The following SPAG16 variants were observed in gnomAD, a reference collection of about 807,000 sequenced individuals.
SPAG16 encodes the protein sperm-associated antigen 16 protein.
SPAG16 carries 86 observed loss-of-function variants against 80.4 expected under a neutral mutation model. The observed-to-expected ratio is 1.07, with a 90% CI of 0.90 to 1.28. SPAG16 has a LOEUF of 1.28. Ranked by LOEUF, SPAG16 falls within the 50% of genes most tolerant of loss-of-function variation. SPAG16 has a pLI of 0.00. For missense variants in SPAG16, 870 were observed against 765.3 expected, an observed-to-expected ratio of 1.14 and a Z score of -1.61; for synonymous variants, 294 against 265.9, an observed-to-expected ratio of 1.11 and a Z score of -1.03.
intron 10 of SPAG16, among the ~76,000 whole-genome samples, chr2:213,500,845 C>T (rs1259738355): frequency 6.6e-6 from 1 of 152,208 alleles, no homozygotes; most frequent in Non-Finnish European, 1.5e-5. Flanking sequence ...GGACTTGGGC[C>T]TCCTAGTGTC....
chr2:214,351,409 A>G (rs183135657), intron 15 of SPAG16, among the ~76,000 whole-genome samples: 4 of 152,118 alleles, frequency 2.6e-5, no homozygotes, highest in East Asian at 1.9e-4. Context: ...TGTGTAAAAT[A>G]CTTAAACATT....
chr2:214,138,844 C>T (rs1032518285), intron 14 of SPAG16, among the ~76,000 whole-genome samples: 1 of 152,058 alleles, frequency 6.6e-6, no homozygotes, highest in African/African-American at 2.4e-5. Flanking sequence ...GATTCCTACC[C>T]CTTAAATAAT....
intron 15 of SPAG16, among the ~76,000 whole-genome samples, chr2:214,390,448 G>A (rs1209955373): frequency 6.6e-6 from 1 of 151,572 alleles, no homozygotes; most frequent in Non-Finnish European, 1.5e-5. Context: ...CTTCCTGGAT[G>A]GCCAAACAAT....
chr2:213,874,932 G>A (rs570501720), intron 11 of SPAG16, among the ~76,000 whole-genome samples: 17 of 152,160 alleles, frequency 1.1e-4, no homozygotes, highest in African/African-American at 3.6e-4. Flanking sequence ...GTTTATTCCT[G>A]TCATCCTTAT....
rs34005287 is a variant in SPAG16 at position 213,469,570 on chromosome 2, GT to G, written c.943-20367del. Among the ~76,000 whole-genome samples the G allele has an allele frequency of 4.5e-3, 359 of 79,280 alleles. 1 individual carries two copies. Among genetic ancestry groups the G allele is most frequent in the Middle Eastern group, 0.011 (1 of 92 alleles). 52.0% of individuals were successfully genotyped at this position (79,280 alleles called of 152,430 possible). A position where few individuals can be genotyped will look rare whatever the true frequency, so the allele number is the denominator to read the frequency against. On this transcript the variant is annotated intron_variant, in intron 9 of 15. Coordinates refer to ENST00000331683, the MANE Select transcript of SPAG16 (RefSeq NM_024532.5). Reference sequence around the variant, plus strand: ...TTGCCTTCAGCAAGCACCTCAGCAGGTTTTTTTTTTTTTTTTTTTTTTTTTT... The same window carrying G: ...TTGCCTTCAGCAAGCACCTCAGCAGGTTTTTTTTTTTTTTTTTTTTTTTTT...
chr2:213,965,656 T>G (rs2106364324), intron 12 of SPAG16, among the ~76,000 whole-genome samples: 1 of 152,342 alleles, frequency 6.6e-6, no homozygotes, highest in East Asian at 1.9e-4. Context: ...TCCACTTAAT[T>G]GCTTACGACC....
chr2:213,778,490 A>AT (rs1472879743), intron 10 of SPAG16, among the ~76,000 whole-genome samples: 2 of 152,146 alleles, frequency 1.3e-5, no homozygotes, highest in Non-Finnish European at 2.9e-5. Context: ...ATTACGGACC[A>AT]TATCAACCCT....
chr2:214,062,467 C>T (rs1284996831), intron 13 of SPAG16, among the ~76,000 whole-genome samples: 1 of 149,670 alleles, frequency 6.7e-6, no homozygotes, highest in Non-Finnish European at 1.5e-5. Context: ...AACCGCCTGA[C>T]CTCACTACAA....
In SPAG16 at chr2:214,149,152, G is replaced by T. The variant is rs776468203; in HGVS notation, c.1606G>T (p.Ala536Ser). The T allele has an allele frequency of 6.4e-7, 1 of 1,561,314 alleles. No homozygotes were observed. The highest frequency in any genetic ancestry group is 1.1e-5 in the South Asian group (1 of 86,992). The change falls in exon 15 of 16, where the codon GCA becomes TCA. Residue 536 changes from alanine to serine, a missense_variant. Transcript: ENST00000331683. ...AIFDPRGHMIASCDACGVTKL... is the reference protein window; with the variant it reads ...AIFDPRGHMISSCDACGVTKL... Reference sequence around the variant, plus strand: ...TTATATTTTGAAGGGTCACATGATAGCATCCTGTGATGCCTGTGGGGTTAC... The same window carrying T: ...TTATATTTTGAAGGGTCACATGATATCATCCTGTGATGCCTGTGGGGTTAC...
chr2:213,548,359 C>T (rs568192040), intron 10 of SPAG16, among the ~76,000 whole-genome samples: 4 of 152,000 alleles, frequency 2.6e-5, no homozygotes, highest in African/African-American at 9.7e-5. Context: ...ACTACAGGCG[C>T]CCACCACCAT....
In SPAG16 at chr2:214,222,219, C is replaced by T. The variant is rs377539230; in HGVS notation, c.1720+72953C>T. 1.3e-3 allele frequency among the ~76,000 whole-genome samples: 187 copies of T among 144,906 alleles called. 2 individuals are homozygous for T. Among genetic ancestry groups the T allele is most frequent in the African/African-American group, 4.0e-3 (161 of 40,412 alleles). ...GCAACCCCCGCCTCCTGGGTTCAAG[C>T]GAGTCTCCTGACTCAGCCTCCTGAG... On this transcript the variant is annotated intron_variant, in intron 15 of 15. Coordinates refer to ENST00000331683, the MANE Select transcript of SPAG16 (RefSeq NM_024532.5).
chr2:213,756,034 T>A (rs751521235), intron 10 of SPAG16, among the ~76,000 whole-genome samples: 3 of 152,202 alleles, frequency 2.0e-5, no homozygotes, highest in Non-Finnish European at 4.4e-5. Flanking sequence ...GCTACTTAAA[T>A]GGCTGAGTAG....
intron 15 of SPAG16, among the ~76,000 whole-genome samples, chr2:214,346,604 A>G (rs1698069636): frequency 1.3e-5 from 2 of 152,158 alleles, no homozygotes; most frequent in South Asian, 2.1e-4. Flanking sequence ...AAATAACGCT[A>G]TGTGACCTGG....
intron 5 of SPAG16, among the ~76,000 whole-genome samples, chr2:213,337,027 C>T (rs1264411943): frequency 1.3e-5 from 2 of 152,152 alleles, no homozygotes; most frequent in Non-Finnish European, 1.5e-5. Flanking sequence ...GAGCTGGCTT[C>T]CATCTGTGCT....
intron 15 of SPAG16, among the ~76,000 whole-genome samples, chr2:214,311,235 A>G (rs921106578): frequency 4.6e-5 from 7 of 152,064 alleles, no homozygotes; most frequent in Admixed American, 3.9e-4. Context: ...TCGAAGGACT[A>G]TACCTCTAGG....
At position 213,774,348 on chromosome 2, in the gene SPAG16, G is replaced by C. The variant is rs192622238; in HGVS notation, c.1071-88137G>C. Among the ~76,000 whole-genome samples, 230 of 152,184 alleles carry C rather than the reference G, an allele frequency of 1.5e-3. 3 individuals are homozygous for C. The highest frequency in any genetic ancestry group is 5.4e-3 in the African/African-American group (224 of 41,526). ...TGAGAGTTCTTTCTTGTCTTTTCTA[G>C]CTTCTTCCAGTTTGCTTATAATCTT... On this transcript the variant is annotated intron_variant, in intron 10 of 15. Coordinates refer to ENST00000331683, the MANE Select transcript of SPAG16 (RefSeq NM_024532.5).
At chr2:214,199,897 A>G (rs1412593008) in intron 15 of SPAG16, among the ~76,000 whole-genome samples, 5 of 152,100 alleles carry the variant, frequency 3.3e-5, no homozygotes, top group African/African-American at 1.2e-4. Flanking sequence ...TTTGGGTCGC[A>G]GCTTGGTCAT....
At chr2:214,271,836 T>C (rs1576644676) in intron 15 of SPAG16, among the ~76,000 whole-genome samples, 1 of 126,584 alleles carries the variant, frequency 7.9e-6, no homozygotes, top group African/African-American at 2.9e-5. Context: ...AGAGAAACTG[T>C]GGGAAACCCC....
chr2:213,490,159 C>A, intron 10 of SPAG16, 69 bp downstream of exon 10: 1 of 1,415,962 alleles, frequency 7.1e-7, no homozygotes, highest in Admixed American at 2.5e-5. Context: ...AATGCTCTTA[C>A]AGCCATTCAT....
Sources: allele counts gnomAD v4.1 joint callset (sites outside exome capture counted in the v4.1 genomes callset), GRCh38; gene constraint gnomAD v4.1.1; transcripts MANE v1.5; gene names NCBI Gene and HGNC (gene_info 2026-07-23, HGNC 2026-07-21).